The following CLEC4M variants were observed in gnomAD, a reference collection of about 807,000 sequenced individuals.
CLEC4M encodes the protein C-type lectin domain family 4 member M, also known as CD209 antigen-like protein 1.
CLEC4M carries 25 observed loss-of-function variants against 39.1 expected under a neutral mutation model. That is an observed-to-expected ratio of 0.64 (90% CI 0.47 to 0.89). The LOEUF is 0.89. Among genes scored for constraint, CLEC4M ranks in the 40% least tolerant of loss-of-function variants. The pLI is 0.00. For missense variants in CLEC4M, 353 were observed against 431.4 expected (o/e 0.82, Z 1.61); for synonymous variants, 155 against 177.4 (o/e 0.87, Z 1.00).
At chr19:7,768,748 C>A in intron 6 of CLEC4M, 90 bp from the exon 7 acceptor site, 1 of 1,450,196 alleles carries the variant, frequency 6.9e-7, no homozygotes, top group South Asian at 1.3e-5. Context: ...ACATGTAGGG[C>A]AGATGTTAAA....
At chr19:7,766,458 C>T (rs1023111510) in intron 4 of CLEC4M, 198 bp from the exon 5 acceptor site, 35 of 1,452,810 alleles carry the variant, frequency 2.4e-5, no homozygotes, top group Non-Finnish European at 3.1e-5. Context: ...GAGATGGAGC[C>T]AGGACTCCTG....
intron 6 of CLEC4M, chr19:7,767,857 G>A (rs1036670998): frequency 4.0e-6 from 2 of 504,974 alleles, no homozygotes; most frequent in Non-Finnish European, 7.2e-6. Flanking sequence ...GTGGGTAGGT[G>A]TGTTAAAATA....
At chr19:7,766,262 G>A (rs751165217) in intron 4 of CLEC4M, 55 bp downstream of exon 4, 2 of 1,605,450 alleles carry the variant, frequency 1.2e-6, no homozygotes, top group Non-Finnish European at 8.5e-7. Flanking sequence ...TGTGTGATGT[G>A]ACTTTACTTG....
At chr19:7,764,441 A>G (rs2034154930) in intron 2 of CLEC4M, among the ~76,000 whole-genome samples, 1 of 152,084 alleles carries the variant, frequency 6.6e-6, no homozygotes, top group Non-Finnish European at 1.5e-5. Flanking sequence ...ACAGAAAAAC[A>G]GGCAGTTAAT....
chr19:7,764,213 G>A (rs1185716835), intron 2 of CLEC4M, among the ~76,000 whole-genome samples: 1 of 152,022 alleles, frequency 6.6e-6, no homozygotes, highest in African/African-American at 2.4e-5. Flanking sequence ...CATTTCATGG[G>A]GTAGGGGGAG....
In CLEC4M at chr19:7,768,920, G is replaced by A. The variant is rs144775067; in HGVS notation, c.1132G>A (p.Asp378Asn). ...CAEFSGSGWN[D>N]NRCDVDNYWI... ...GGAATTTAGTGGCAGTGGCTGGAAC[G>A]ACAATCGATGTGACGTTGACAATTA... Residue 378 changes from aspartate (D) to asparagine (N), a missense_variant, in exon 7 of 7, where the codon GAC (aspartate) becomes AAC (asparagine). Physicochemically the swap from Asp to Asn is conservative, Grantham distance 23. Transcript: ENST00000327325. The A allele has an allele frequency of 1.9e-5, 30 of 1,614,134 alleles. No individual in the cohort carries two copies. The highest frequency in any genetic ancestry group is 6.7e-5 in the East Asian group (3 of 44,882).
chr19:7,766,948 T>C, intron 5 of CLEC4M, 141 bp downstream of exon 5: 1 of 1,410,284 alleles, frequency 7.1e-7, no homozygotes. Flanking sequence ...AATGAAGGGG[T>C]CCCAGGTACC....
chr19:7,766,925 A>G (rs911284625), intron 5 of CLEC4M, 118 bp downstream of exon 5: 2 of 1,535,312 alleles, frequency 1.3e-6, no homozygotes, highest in African/African-American at 2.7e-5. Context: ...AAAGATGGGA[A>G]GAGAAGGATA....
At chr19:7,766,381 A>G (rs2034276045) in intron 4 of CLEC4M, 174 bp downstream of exon 4, 2 of 1,467,526 alleles carry the variant, frequency 1.4e-6, no homozygotes, top group South Asian at 1.4e-5. Flanking sequence ...CACAGTAGAC[A>G]CTCAGTTCAA....
At chr19:7,768,731 A>G (rs2034389216) in intron 6 of CLEC4M, 107 bp from the exon 7 acceptor site, 1 of 1,321,972 alleles carries the variant, frequency 7.6e-7, no homozygotes, top group Admixed American at 2.1e-5. Context: ...ATGCATGTCC[A>G]GCATACACAT....
chr19:7,768,779 A>G (rs1203790540), intron 6 of CLEC4M, 59 bp from the exon 7 acceptor site: 1 of 1,581,774 alleles, frequency 6.3e-7, no homozygotes, highest in Non-Finnish European at 8.6e-7. Flanking sequence ...TACAGAAGGT[A>G]GGAGTGTGGC....
chr19:7,766,460 G>C, intron 4 of CLEC4M, 196 bp from the exon 5 acceptor site: 1 of 1,453,560 alleles, frequency 6.9e-7, no homozygotes. Context: ...GATGGAGCCA[G>C]GACTCCTGGG....
At chr19:7,763,837 A>G (rs1224661488) in intron 2 of CLEC4M, among the ~76,000 whole-genome samples, 2 of 151,134 alleles carry the variant, frequency 1.3e-5, no homozygotes, top group African/African-American at 2.4e-5. Context: ...GTCCTGGGGC[A>G]GGTGAGAACT....
chr19:7,767,585 G>A lies in CLEC4M; in HGVS notation c.1006G>A (p.Glu336Lys). ...SWMGLSDLNQ[E>K]GTWQWVDGSP... ...GATGGGACTTTCAGACCTAAATCAG[G>A]AAGGCACGTGGCAATGGGTGGACGG... The change falls in exon 6 of 7, where the codon GAA (glutamate) becomes AAA (lysine). Residue 336 changes from glutamate to lysine, a missense_variant. Glu to Lys is a moderately conservative substitution (Grantham distance 56). Around this residue, in one of 4 missense-constraint regions of CLEC4M, gnomAD observed 196 missense variants for 211.7 expected, o/e 0.93. Transcript: ENST00000327325. 1 of 1,614,186 alleles carries A rather than the reference G, an allele frequency of 6.2e-7. No individual in the cohort carries two copies. The highest frequency in any genetic ancestry group is 8.5e-7 in the Non-Finnish European group (1 of 1,180,016).
At chr19:7,763,346 A>G (rs757644655) in intron 1 of CLEC4M, 34 bp downstream of exon 1, 17 of 1,611,908 alleles carry the variant, frequency 1.1e-5, no homozygotes, top group Non-Finnish European at 1.4e-5. Context: ...GATCCTGGGT[A>G]AGGGGAAGGG....
chr19:7,767,785 C>T (rs1463093036), intron 6 of CLEC4M, 157 bp downstream of exon 6: 2 of 607,622 alleles, frequency 3.3e-6, no homozygotes, highest in East Asian at 5.6e-5. Context: ...TCATACCCAC[C>T]TCCAGACAGG....
At chr19:7,767,000 T>C (rs1481416010) in intron 5 of CLEC4M, 193 bp downstream of exon 5, 1 of 1,000,570 alleles carries the variant, frequency 1.0e-6, no homozygotes, top group Non-Finnish European at 1.4e-6. Context: ...ATGTGAATAT[T>C]TGGGGGAAAC....
chr19:7,767,601 G>A lies in CLEC4M; in HGVS notation c.1022G>A (p.Trp341Ter). The A allele has an allele frequency of 6.2e-7, 1 of 1,614,160 alleles. No homozygotes were observed. Among genetic ancestry groups the A allele is most frequent in the South Asian group, 1.1e-5 (1 of 91,086 alleles). Residue 341 changes from tryptophan to a stop codon, truncating the protein, a stop_gained, in exon 6 of 7, where the codon TGG becomes TAG. Coordinates refer to ENST00000327325, the MANE Select transcript of CLEC4M (RefSeq NM_014257.5). LOFTEE classifies it low-confidence loss of function (END_TRUNC). Reference protein sequence around the residue: ...SDLNQEGTWQWVDGSPLSPSF... With the variant: ...SDLNQEGTWQ ...CTAAATCAGGAAGGCACGTGGCAAT[G>A]GGTGGACGGCTCACCTCTGTCACCC...
At chr19:7,767,106 C>A (rs2146358830) in intron 5 of CLEC4M, 1 of 485,406 alleles carries the variant, frequency 2.1e-6, no homozygotes, top group Non-Finnish European at 3.7e-6. Flanking sequence ...GCCAATTTCC[C>A]CAGTGTAAAT....
Sources: gnomAD v4.1 joint callset for allele counts (sites outside exome capture counted in the v4.1 genomes callset) on GRCh38, gnomAD v4.1.1 for gene constraint, gnomAD v4.1.1 regional missense constraint, MANE v1.5 for transcripts, NCBI Gene and HGNC (gene_info 2026-07-23, HGNC 2026-07-21) for gene names.